Variants in RECQL observed in about 807,000 individuals in gnomAD.
The protein encoded by RECQL is RecQ like helicase, also known as ATP-dependent DNA helicase Q1.
RECQL carries 73 observed loss-of-function variants against 75.8 expected under a neutral mutation model. That is an observed-to-expected ratio of 0.96 (90% CI 0.80 to 1.17). RECQL has a LOEUF of 1.17. Ranked by LOEUF, RECQL falls within the 50% of genes most tolerant of loss-of-function variation. The pLI, the probability that RECQL is intolerant of heterozygous loss-of-function variation, is 0.00. For synonymous variants in RECQL, 248 were observed against 254.4 expected, an observed-to-expected ratio of 0.97 and a Z score of 0.24; for missense variants, 699 against 772.1, an observed-to-expected ratio of 0.91 and a Z score of 1.12.
Position 21,490,244 on chromosome 12 carries a change from C to A in RECQL, c.349G>T (p.Gly117Cys), listed in dbSNP as rs1343645228. 1 of 1,612,804 alleles carries A rather than the reference C, an allele frequency of 6.2e-7. No individual in the cohort carries two copies. The highest frequency in any genetic ancestry group is 2.2e-5 in the East Asian group (1 of 44,800). ...AACTGGTAACATAAGCTCTTTCCAC[C>A]TCCTGTAGGCATAACAAGAAATACC... ...KEVFLVMPTG[G>C]GKSLCYQLPA... Residue 117 changes from glycine to cysteine, a missense_variant, in exon 4 of 15, where the codon GGT (glycine) becomes TGT (cysteine). Gly to Cys is a radical substitution (Grantham distance 159). Transcript: ENST00000444129.
intron 6 of RECQL, among the ~76,000 whole-genome samples, chr12:21,479,281 T>C (rs1943146626): frequency 6.6e-6 from 1 of 152,092 alleles, no homozygotes; most frequent in South Asian, 2.1e-4. Context: ...TAAGAAAAGC[T>C]ATGAACAATT....
intron 2 of RECQL, among the ~76,000 whole-genome samples, chr12:21,498,586 G>T (rs531044126): frequency 2.0e-5 from 3 of 152,258 alleles, no homozygotes; most frequent in African/African-American, 7.2e-5. Context: ...TACTATACTT[G>T]CTGGGGTAAG....
chr12:21,478,750 G>C (rs1807238878), intron 6 of RECQL, among the ~76,000 whole-genome samples: 1 of 152,154 alleles, frequency 6.6e-6, no homozygotes. Flanking sequence ...AGTTAGAGCT[G>C]ACCCAAAAGA....
intron 12 of RECQL, among the ~76,000 whole-genome samples, chr12:21,473,294 A>C (rs1359239112): frequency 6.6e-6 from 1 of 152,060 alleles, no homozygotes; most frequent in Admixed American, 6.6e-5. Context: ...CTCTATGTTT[A>C]GATACACAAA....
At chr12:21,470,773 T>C (rs1277130252) in intron 14 of RECQL, 196 bp downstream of exon 14, 1 of 395,706 alleles carries the variant, frequency 2.5e-6, no homozygotes, top group Admixed American at 4.4e-5. Context: ...TAGTTTATGT[T>C]AAAAGGCCAG....
intron 12 of RECQL, among the ~76,000 whole-genome samples, chr12:21,471,883 T>C (rs536318292): frequency 6.6e-6 from 1 of 151,994 alleles, no homozygotes; most frequent in African/African-American, 2.4e-5. Flanking sequence ...TAAAAAAAAA[T>C]TGGTTATCAG....
At chr12:21,473,286 C>T (rs138066296) in intron 12 of RECQL, among the ~76,000 whole-genome samples, 206 of 152,144 alleles carry the variant, frequency 1.4e-3, no homozygotes, top group African/African-American at 4.9e-3. Flanking sequence ...TGTACTTACT[C>T]TATGTTTAGA....
Position 21,476,842 on chromosome 12 carries a change from A to G in RECQL, c.949+69T>C. ...GTGTTATTCAGTTATCAGTATAATT[A>G]TCAATATGATATGAAGTCACTTTTT... On this transcript the variant is annotated intron_variant, in intron 8 of 14. Transcript: ENST00000444129. The G allele has an allele frequency of 1.6e-5, 15 of 952,878 alleles. No individual in the cohort carries two copies. In the South Asian group the frequency reaches 2.5e-4, roughly 16 times the overall value. 59.0% of individuals were successfully genotyped at this position (952,878 alleles called of 1,614,324 possible).
chr12:21,486,575 G>T lies in RECQL; in HGVS notation c.405C>A (p.Leu135=). ...TAAGAGAGATCAATGGGCAAATGACGAGTGTAAAACCTAAAAGAGAAAAAA... is the reference window on the plus strand; with the variant it reads ...TAAGAGAGATCAATGGGCAAATGACTAGTGTAAAACCTAAAAGAGAAAAAA... ...LPALCSDGFT[L]VICPLISLME... The change falls in exon 5 of 15, where the codon CTC becomes CTA. Residue 135 remains leucine, a synonymous_variant. Transcript: ENST00000444129. 1 of 1,526,266 alleles carries T rather than the reference G, an allele frequency of 6.6e-7. No homozygotes were observed. The highest frequency in any genetic ancestry group is 8.8e-7 in the Non-Finnish European group (1 of 1,136,556). 94.5% of individuals were successfully genotyped at this position (1,526,266 alleles called of 1,614,324 possible).
chr12:21,491,386 C>T, intron 3 of RECQL, 133 bp downstream of exon 3: 1 of 783,016 alleles, frequency 1.3e-6, no homozygotes, highest in Non-Finnish European at 2.0e-6. Context: ...CTGCAAGTTT[C>T]CCATTCCACT....
At chr12:21,476,219 A>G (rs550310546) in intron 8 of RECQL, among the ~76,000 whole-genome samples, 15 of 152,176 alleles carry the variant, frequency 9.9e-5, no homozygotes, top group African/African-American at 2.4e-4. Context: ...TGCATTCAAC[A>G]AAGTTAAATG....
chr12:21,494,227 C>T (rs1419019599), intron 2 of RECQL, among the ~76,000 whole-genome samples: 1 of 152,050 alleles, frequency 6.6e-6, no homozygotes, highest in East Asian at 1.9e-4. Flanking sequence ...AGGGAGGGCA[C>T]CAAACCATTC....
Position 21,483,463 on chromosome 12 carries a change from C to G in RECQL, c.613G>C (p.Glu205Gln). 3 of 1,603,566 alleles carry G rather than the reference C, an allele frequency of 1.9e-6. No individual in the cohort carries two copies. The highest frequency in any genetic ancestry group is 2.5e-6 in the Non-Finnish European group (3 of 1,177,172). Residue 205 changes from glutamate (E) to glutamine (Q), a missense_variant, in exon 6 of 15, where the codon GAG (glutamate) becomes CAG (glutamine). Glu to Gln is a conservative substitution (Grantham distance 29, BLOSUM62 2). This residue lies in a region of RECQL where 669 missense variants were observed against 713.5 expected (regional missense o/e 0.94). Coordinates refer to ENST00000444129, the MANE Select transcript of RECQL (RefSeq NM_002907.4). ...AKSKMFMSRL[E>Q]KAYEARRFTR... Reference sequence around the variant, plus strand: ...AATCTCCTTGCTTCATAGGCTTTCTCTAGTCTTGACATAAACATTTTGCTT... The same window carrying G: ...AATCTCCTTGCTTCATAGGCTTTCTGTAGTCTTGACATAAACATTTTGCTT...
chr12:21,470,302 C>CTT lies in RECQL; in HGVS notation c.1840_1841dup (p.Met615ArgfsTer46). On this transcript the variant is annotated frameshift_variant, in exon 15 of 15. Coordinates refer to ENST00000444129, the MANE Select transcript of RECQL (RefSeq NM_002907.4). LOFTEE classifies it low-confidence loss of function (END_TRUNC). ...AGTTGCCTGAATTTTTTTCCTCCAT[C>CTT]TTTTTATCACCTTGTTCAGAATGAC... is the stretch of plus-strand genomic sequence containing the variant. 6.4e-7 allele frequency: 1 copy of CTT among 1,573,892 alleles called. No individual in the cohort carries two copies. Among genetic ancestry groups the CTT allele is most frequent in the Non-Finnish European group, 8.6e-7 (1 of 1,161,494 alleles).
chr12:21,470,532 A>G (rs1336171153), intron 14 of RECQL, 186 bp from the exon 15 acceptor site: 2 of 969,358 alleles, frequency 2.1e-6, no homozygotes, highest in Non-Finnish European at 2.8e-6. Flanking sequence ...AAAAGGGGCT[A>G]CGTTGTGAGA....
intron 1 of RECQL, among the ~76,000 whole-genome samples, chr12:21,500,924 G>T (rs1943600047): frequency 6.6e-6 from 1 of 152,108 alleles, no homozygotes; most frequent in Non-Finnish European, 1.5e-5. Flanking sequence ...AACATAAAAT[G>T]TATCCAGAAA....
chr12:21,485,356 AAAG>A (rs1450149036), intron 5 of RECQL, among the ~76,000 whole-genome samples: 1 of 151,692 alleles, frequency 6.6e-6, no homozygotes, highest in African/African-American at 2.4e-5. Flanking sequence ...AAAAGAAAGA[AAAG>A]AAAAGAAAGA....
intron 5 of RECQL, 85 bp from the exon 6 acceptor site, chr12:21,483,659 T>C: frequency 3.1e-6 from 3 of 975,154 alleles, no homozygotes; most frequent in Non-Finnish European, 4.5e-6. Flanking sequence ...AACGTTCATT[T>C]CTCCAAAGCA....
intron 6 of RECQL, among the ~76,000 whole-genome samples, chr12:21,483,002 G>A (rs1943220626): frequency 6.6e-6 from 1 of 152,136 alleles, no homozygotes; most frequent in Admixed American, 6.6e-5. Context: ...TTCAACAAAT[G>A]TGAAGGAATA....
Sources: gnomAD v4.1 joint callset for allele counts (sites outside exome capture counted in the v4.1 genomes callset) on GRCh38, gnomAD v4.1.1 for gene constraint, gnomAD v4.1.1 regional missense constraint, MANE v1.5 for transcripts, NCBI Gene and HGNC (gene_info 2026-07-23, HGNC 2026-07-21) for gene names.